Variants in MSH3 observed in about 807,000 individuals in gnomAD.
MSH3 encodes the protein DNA mismatch repair protein Msh3.
In MSH3, 106 loss-of-function variants were observed where a neutral mutation model predicts 123.3. That is an observed-to-expected ratio of 0.86 (90% CI 0.73 to 1.01). The LOEUF is 1.01. Among genes scored for constraint, MSH3 ranks in the 50% least tolerant of loss-of-function variants. The probability of loss-of-function intolerance (pLI) is 0.00; values close to 1 mark genes in which losing one functional copy is unlikely to be tolerated. For synonymous variants in MSH3, 515 were observed against 481.4 expected, an observed-to-expected ratio of 1.07 and a Z score of -0.91; for missense variants, 1,459 against 1,347.6, an observed-to-expected ratio of 1.08 and a Z score of -1.29.
chr5:80,829,485 T>C (rs902018285), intron 20 of MSH3, among the ~76,000 whole-genome samples: 2 of 152,228 alleles, frequency 1.3e-5, no homozygotes, highest in Admixed American at 6.5e-5. Context: ...ATGCGTCTGT[T>C]GATATGATCA....
intron 12 of MSH3, among the ~76,000 whole-genome samples, chr5:80,747,696 G>T (rs1743747710): frequency 1.3e-5 from 2 of 152,110 alleles, no homozygotes; most frequent in Admixed American, 1.3e-4. Context: ...CTTGGGGATT[G>T]CATATACAGA....
chr5:80,845,249 G>A (rs1226238579), intron 20 of MSH3, among the ~76,000 whole-genome samples: 1 of 152,142 alleles, frequency 6.6e-6, no homozygotes, highest in Non-Finnish European at 1.5e-5. Flanking sequence ...TCTGGCTTGT[G>A]TGGTTTCTGC....
intron 2 of MSH3, among the ~76,000 whole-genome samples, chr5:80,656,943 T>G (rs2043790212): frequency 2.0e-5 from 3 of 152,202 alleles, no homozygotes; most frequent in South Asian, 2.1e-4. Context: ...TTTGTACATG[T>G]GTATATGTGC....
At chr5:80,818,996 A>G (rs886673689) in intron 20 of MSH3, among the ~76,000 whole-genome samples, 1 of 152,210 alleles carries the variant, frequency 6.6e-6, no homozygotes, top group Non-Finnish European at 1.5e-5. Context: ...TTGAATTGCA[A>G]TTAGCATTTT....
In MSH3 at chr5:80,799,684, TCTC is replaced by T. The variant is rs569686505; in HGVS notation, c.2655+6843_2655+6845del. 2.5e-3 allele frequency among the ~76,000 whole-genome samples: 377 copies of T among 152,226 alleles called. 4 individuals carry two copies. The highest frequency in any genetic ancestry group is 8.7e-3 in the African/African-American group (361 of 41,542). Reference sequence around the variant, plus strand: ...GAACACATGGAGTGAAAGCATGTCTTCTCCTATTTAGTAGTGACTATGATTCCC... The same window carrying T: ...GAACACATGGAGTGAAAGCATGTCTTCTATTTAGTAGTGACTATGATTCCC... On this transcript the variant is annotated intron_variant, in intron 19 of 23. Transcript: ENST00000265081.
At chr5:80,662,854 G>A (rs982916977) in intron 2 of MSH3, among the ~76,000 whole-genome samples, 4 of 152,034 alleles carry the variant, frequency 2.6e-5, no homozygotes, top group Non-Finnish European at 5.9e-5. Flanking sequence ...TATTTGGGAA[G>A]CAAGAATTGC....
intron 20 of MSH3, among the ~76,000 whole-genome samples, chr5:80,848,136 GGAGGATCATCT>G (rs1745757524): frequency 2.0e-5 from 3 of 152,230 alleles, no homozygotes; most frequent in African/African-American, 7.2e-5. Context: ...GGCTGAGGTG[GGAGGATCATCT>G]GAGCACAGGA....
intron 22 of MSH3, 60 bp from the exon 23 acceptor site, chr5:80,873,056 A>C (rs1251634190): frequency 7.0e-7 from 1 of 1,421,662 alleles, no homozygotes; most frequent in African/African-American, 1.4e-5. Flanking sequence ...TGTCCTTTTT[A>C]ATCCTCTAAT....
rs753160687 is a variant in MSH3 at position 80,654,937 on chromosome 5, C to T, written c.210C>T (p.Ala70=). The part of the protein sequence containing the change: ...AAAPPAPPAP[A]FPPQLPPHIA... ...CGCCCCCAGCGCCCCCAGCTCCCGC[C>T]TTCCCGCCCCAGCTGCCGCCGCACA... Residue 70 remains alanine, a synonymous_variant, in exon 1 of 24, where the codon GCC becomes GCT. Coordinates refer to ENST00000265081, the MANE Select transcript of MSH3 (RefSeq NM_002439.5). 2.7e-6 allele frequency: 4 copies of T among 1,467,284 alleles called. No individual in the cohort carries two copies. The highest frequency in any genetic ancestry group is 2.7e-6 in the Non-Finnish European group (3 of 1,111,118). The allele number at this position is 1,467,284 out of a possible 1,614,324, so 90.9% of individuals were successfully genotyped here.
At chr5:80,766,250 A>G (rs1175662904) in intron 13 of MSH3, among the ~76,000 whole-genome samples, 2 of 150,596 alleles carry the variant, frequency 1.3e-5, no homozygotes, top group African/African-American at 4.9e-5. Flanking sequence ...AGATACCTTG[A>G]GTCTTTTAAG....
intron 20 of MSH3, among the ~76,000 whole-genome samples, chr5:80,831,727 A>G (rs184543044): frequency 3.3e-5 from 5 of 151,706 alleles, no homozygotes; most frequent in African/African-American, 1.2e-4. Flanking sequence ...TTAGACATCC[A>G]TTTTGGACAG....
chr5:80,717,648 G>A (rs1056724279), intron 8 of MSH3, among the ~76,000 whole-genome samples: 1 of 152,100 alleles, frequency 6.6e-6, no homozygotes, highest in East Asian at 1.9e-4. Context: ...AAGAGTTCAC[G>A]CCTCTCTGTG....
At chr5:80,747,212 G>A (rs1003120351) in intron 12 of MSH3, among the ~76,000 whole-genome samples, 1 of 152,186 alleles carries the variant, frequency 6.6e-6, no homozygotes, top group Non-Finnish European at 1.5e-5. Context: ...ACATGTTACA[G>A]CAGAAACAGA....
intron 20 of MSH3, among the ~76,000 whole-genome samples, chr5:80,830,262 GC>G (rs1462872945): frequency 6.6e-6 from 1 of 151,816 alleles, no homozygotes; most frequent in Non-Finnish European, 1.5e-5. Flanking sequence ...ATTGTCTTCT[GC>G]CTACTTCAGA....
At chr5:80,798,763 T>G (rs1744741166) in intron 19 of MSH3, among the ~76,000 whole-genome samples, 1 of 152,212 alleles carries the variant, frequency 6.6e-6, no homozygotes, top group African/African-American at 2.4e-5. Flanking sequence ...ATTTGTCTGA[T>G]AAAGTGTTCT....
At chr5:80,843,697 T>C (rs1011873455) in intron 20 of MSH3, among the ~76,000 whole-genome samples, 1 of 152,164 alleles carries the variant, frequency 6.6e-6, no homozygotes, top group Non-Finnish European at 1.5e-5. Context: ...TGCATAGAGG[T>C]GTTTATAATA....
chr5:80,735,459 T>C (rs1018605443), intron 10 of MSH3, among the ~76,000 whole-genome samples: 6 of 150,798 alleles, frequency 4.0e-5, no homozygotes, highest in African/African-American at 1.5e-4. Context: ...GGTCAAGGCC[T>C]TCGGATTGCC....
chr5:80,734,689 A>G (rs1476313779), intron 10 of MSH3, among the ~76,000 whole-genome samples: 2 of 152,096 alleles, frequency 1.3e-5, no homozygotes, highest in Non-Finnish European at 2.9e-5. Flanking sequence ...AGTTATTTCC[A>G]TGGTCCCACA....
At chr5:80,841,475 G>A (rs576561806) in intron 20 of MSH3, among the ~76,000 whole-genome samples, 224 of 152,258 alleles carry the variant, frequency 1.5e-3, no homozygotes, top group Middle Eastern at 3.4e-3. Context: ...TTGAGGAATC[G>A]CCACACTGTC....
Sources: gnomAD v4.1 joint callset for allele counts (sites outside exome capture counted in the v4.1 genomes callset) on GRCh38, gnomAD v4.1.1 for gene constraint, MANE v1.5 for transcripts, NCBI Gene and HGNC (gene_info 2026-07-23, HGNC 2026-07-21) for gene names.